The following MBNL2 variants were observed in gnomAD, a reference collection of about 807,000 sequenced individuals.
MBNL2 encodes the protein muscleblind like splicing regulator 2, also known as muscleblind-like protein 2.
A neutral mutation model predicts 41.9 loss-of-function variants in MBNL2; 17 were observed. The ratio of observed to expected loss-of-function variants is 0.41; its 90% CI spans 0.28 to 0.61. The LOEUF (loss-of-function observed/expected upper bound fraction) is 0.61. MBNL2 is among the 20% of genes least tolerant of loss of function. The pLI is 0.35. For synonymous variants in MBNL2, 195 were observed against 182.9 expected (o/e 1.07, Z -0.53); for missense variants, 336 against 505.6 (o/e 0.66, Z 3.22).
chr13:97,332,296 CTGT>C (rs1022959639), intron 2 of MBNL2, among the ~76,000 whole-genome samples: 1 of 152,212 alleles, frequency 6.6e-6, no homozygotes, highest in African/African-American at 2.4e-5. Context: ...AGCTGATGGG[CTGT>C]GGCTATGTTT....
chr13:97,209,438 T>G, the MBNL2 span, among the ~76,000 whole-genome samples: 1 of 152,188 alleles, frequency 6.6e-6, no homozygotes, highest in Non-Finnish European at 1.5e-5. Context: ...ACTTGTAAAG[T>G]GAAGGTAAAG....
the MBNL2 span, among the ~76,000 whole-genome samples, chr13:97,151,584 C>T: frequency 2.6e-5 from 4 of 152,164 alleles, no homozygotes; most frequent in Non-Finnish European, 4.4e-5. Context: ...AAATGGACAG[C>T]ATAAAGTCTC....
chr13:97,302,454 T>C (rs1036690975), intron 2 of MBNL2, among the ~76,000 whole-genome samples: 1 of 152,260 alleles, frequency 6.6e-6, no homozygotes, highest in South Asian at 2.1e-4. Context: ...AGGAAAATGA[T>C]AGGAGAGAAT....
chr13:97,208,820 C>T, the MBNL2 span, among the ~76,000 whole-genome samples: 1 of 152,128 alleles, frequency 6.6e-6, no homozygotes, highest in African/African-American at 2.4e-5. Context: ...ACAACTCCAG[C>T]GGTACATATA....
the MBNL2 span, among the ~76,000 whole-genome samples, chr13:97,203,912 G>A: frequency 6.6e-6 from 1 of 151,932 alleles, no homozygotes; most frequent in South Asian, 2.1e-4. Context: ...ATGGATGGAT[G>A]GATGGACGGA....
At chr13:97,300,213 T>A (rs973098318) in intron 2 of MBNL2, among the ~76,000 whole-genome samples, 1 of 152,194 alleles carries the variant, frequency 6.6e-6, no homozygotes. Flanking sequence ...AACAGCCATC[T>A]CTTACAGCAA....
At chr13:97,370,137 GATC>G (rs2064222554) in intron 8 of MBNL2, among the ~76,000 whole-genome samples, 1 of 152,062 alleles carries the variant, frequency 6.6e-6, no homozygotes, top group Non-Finnish European at 1.5e-5. Flanking sequence ...TGGGTACAAT[GATC>G]ATCATCCCAT....
At position 97,357,650 on chromosome 13, in the gene MBNL2, T is replaced by G; in HGVS notation, c.1012+15T>G. 6.2e-7 allele frequency: 1 copy of G among 1,612,856 alleles called. No individual in the cohort carries two copies. The highest frequency in any genetic ancestry group is 8.5e-7 in the Non-Finnish European group (1 of 1,179,344). ...CATTCCAACAGGTATGTGCCCTTAC[T>G]GCCCTACGTCCTGTGCCCTTCTGGT... On this transcript the variant is annotated intron_variant, in intron 7 of 8. Transcript: ENST00000679496.
chr13:97,195,812 A>G, the MBNL2 span, among the ~76,000 whole-genome samples: 2 of 152,250 alleles, frequency 1.3e-5, no homozygotes, highest in African/African-American at 4.8e-5. Context: ...CATGGTGAGG[A>G]TCCATTTTAA....
the MBNL2 span, among the ~76,000 whole-genome samples, chr13:97,158,999 T>G: frequency 1.3e-5 from 2 of 150,544 alleles, no homozygotes; most frequent in Non-Finnish European, 3.0e-5. Context: ...AGTGGGGTGT[T>G]AAAGTCTCCC....
chr13:97,151,728 A>G, the MBNL2 span, among the ~76,000 whole-genome samples: 958 of 152,208 alleles, frequency 6.3e-3, 10 homozygotes, highest in African/African-American at 0.022. Context: ...GACAGCCTCC[A>G]TTTTCATCCC....
Position 97,334,345 on chromosome 13 carries a change from A to C in MBNL2, c.244A>C (p.Asn82His). 6.2e-7 allele frequency: 1 copy of C among 1,613,800 alleles called. No homozygotes were observed. The highest frequency in any genetic ancestry group is 8.5e-7 in the Non-Finnish European group (1 of 1,179,798). The part of the protein sequence containing the change: ...PTHLKTQLEI[N>H]GRNNLIQQKT... The stretch of plus-strand genomic sequence containing the variant: ...ACACTTAAAAACTCAACTAGAAATT[A>C]ATGGAAGGAACAATTTGATTCAGCA... Residue 82 changes from asparagine to histidine, a missense_variant, in exon 3 of 9, where the codon AAT becomes CAT. Coordinates refer to ENST00000679496, the MANE Select transcript of MBNL2 (RefSeq NM_001382683.1). The surrounding 1 kb of genome is among the most constrained non-coding windows in gnomAD (Gnocchi z 5.3).
Position 97,275,943 on chromosome 13 carries a change from C to T in MBNL2, c.-293C>T. ...GATATTGAAGTCACTTTATTAATAACAGCTGTATCTGCAAAACAGTCAAGA... is the reference window on the plus strand; with the variant it reads ...GATATTGAAGTCACTTTATTAATAATAGCTGTATCTGCAAAACAGTCAAGA... On this transcript the variant is annotated 5_prime_UTR_variant, in exon 2 of 9. Transcript: ENST00000679496. The T allele has an allele frequency of 3.7e-6, 1 of 273,296 alleles. No homozygotes were observed. Among genetic ancestry groups the T allele is most frequent in the African/African-American group, 2.2e-5 (1 of 45,866 alleles). 16.9% of individuals were successfully genotyped at this position (273,296 alleles called of 1,614,324 possible).
At chr13:97,385,127 G>C (rs573507435) in intron 8 of MBNL2, among the ~76,000 whole-genome samples, 2 of 152,106 alleles carry the variant, frequency 1.3e-5, no homozygotes, top group African/African-American at 4.8e-5. Flanking sequence ...GTGGCACTGT[G>C]TCTTCAATGA....
At chr13:97,335,714 G>A (rs2060825383) in intron 3 of MBNL2, among the ~76,000 whole-genome samples, 2 of 152,170 alleles carry the variant, frequency 1.3e-5, no homozygotes, top group African/African-American at 2.4e-5. Context: ...AGGAAAGCCT[G>A]CCTGGAGGAA....
intron 5 of MBNL2, among the ~76,000 whole-genome samples, chr13:97,348,587 G>T (rs79618561): frequency 6.6e-6 from 1 of 152,094 alleles, no homozygotes; most frequent in Non-Finnish European, 1.5e-5. Context: ...AATCAGTCAG[G>T]TTTCCTTGCC....
intron 1 of MBNL2, among the ~76,000 whole-genome samples, chr13:97,251,015 G>T (rs1403713024): frequency 1.3e-5 from 2 of 151,830 alleles, no homozygotes; most frequent in Non-Finnish European, 2.9e-5. Flanking sequence ...TATTTCCACT[G>T]CCCAGGAAGA....
intron 1 of MBNL2, among the ~76,000 whole-genome samples, 170 bp downstream of exon 1, chr13:97,222,701 T>C (rs1015798920): frequency 3.9e-5 from 6 of 152,202 alleles, no homozygotes; most frequent in Admixed American, 6.5e-5. Flanking sequence ...GAAAAAGAAA[T>C]GGCAAAGCTT....
chr13:97,256,627 C>T (rs948997417), intron 1 of MBNL2, among the ~76,000 whole-genome samples: 16 of 152,100 alleles, frequency 1.1e-4, no homozygotes, highest in African/African-American at 3.9e-4. Flanking sequence ...TTGGTAAGAC[C>T]TCCAGGAATG....
Sources: allele counts gnomAD v4.1 joint callset (sites outside exome capture counted in the v4.1 genomes callset), GRCh38; gene constraint gnomAD v4.1.1; non-coding constraint Gnocchi (gnomAD v3.1); transcripts MANE v1.5; gene names NCBI Gene and HGNC (gene_info 2026-07-23, HGNC 2026-07-21).